Variants in GFI1B observed in about 807,000 individuals in gnomAD.
GFI1B encodes zinc finger protein Gfi-1b.
In GFI1B, 20 loss-of-function variants were observed where a neutral mutation model predicts 35.3. The ratio of observed to expected loss-of-function variants is 0.57; its 90% CI spans 0.40 to 0.82. The LOEUF (loss-of-function observed/expected upper bound fraction) is 0.82. Among genes scored for constraint, GFI1B ranks in the 40% least tolerant of loss-of-function variants. GFI1B has a pLI of 0.00. For missense variants in GFI1B, 430 were observed against 446.3 expected, an observed-to-expected ratio of 0.96 and a Z score of 0.33; for synonymous variants, 178 against 177.6, an observed-to-expected ratio of 1.00 and a Z score of -0.02.
rs191131890 is a variant in GFI1B at position 132,968,360 on chromosome 9, A to T, written c.-700-4365A>T. Among the ~76,000 whole-genome samples the T allele has an allele frequency of 6.7e-5, 10 of 149,650 alleles. 1 individual carries two copies. Among genetic ancestry groups the T allele is most frequent in the Admixed American group, 6.0e-4 (9 of 15,050 alleles). On this transcript the variant is annotated intron_variant, in intron 1 of 10. Transcript: ENST00000339463. Reference sequence around the variant, plus strand: ...TGGTCTCGAACTCCTGGGCTCGAGCAATCCTCCCACTTCAGCCTCCCAGAG... The same window carrying T: ...TGGTCTCGAACTCCTGGGCTCGAGCTATCCTCCCACTTCAGCCTCCCAGAG...
chr9:132,946,056 A>G (rs1588398903), intron 1 of GFI1B, among the ~76,000 whole-genome samples: 1 of 151,768 alleles, frequency 6.6e-6, no homozygotes, highest in Non-Finnish European at 1.5e-5. Context: ...GAAAAATGGC[A>G]CCCCTGGGCT....
At chr9:132,974,452 A>C (rs1310651894), upstream of GFI1B, among the ~76,000 whole-genome samples, 1 of 151,874 alleles carries the variant, frequency 6.6e-6, no homozygotes, top group Non-Finnish European at 1.5e-5. Context: ...ACACAAAAAA[A>C]TTAGCCAGGC....
At chr9:132,974,747 G>A (rs573992019), upstream of GFI1B, among the ~76,000 whole-genome samples, 2 of 152,232 alleles carry the variant, frequency 1.3e-5, no homozygotes, top group African/African-American at 4.8e-5. Flanking sequence ...AGGTCTTTCT[G>A]CAGAAGTAAC....
chr9:132,956,297 G>A (rs1848282683), intron 1 of GFI1B, among the ~76,000 whole-genome samples: 1 of 150,128 alleles, frequency 6.7e-6, no homozygotes, highest in Non-Finnish European at 1.5e-5. Flanking sequence ...ACCTCCTTTT[G>A]TTATTATTTT....
intron 1 of GFI1B, among the ~76,000 whole-genome samples, chr9:132,982,059 G>T (rs1388565475): frequency 6.6e-6 from 1 of 152,142 alleles, no homozygotes; most frequent in East Asian, 1.9e-4. Context: ...GGCCTCCCTT[G>T]AGTCTTTAAA....
Position 132,987,387 on chromosome 9 carries a change from A to G in GFI1B, c.206A>G (p.Asp69Gly). Residue 69 changes from aspartate to glycine, a missense_variant, in exon 3 of 7, where the codon GAC (aspartate) becomes GGC (glycine). Coordinates refer to ENST00000372122, the MANE Select transcript of GFI1B (RefSeq NM_001377304.1). ...AAACGAGAGCCGGAGCTGGAGCAGG[A>G]CCAGAACTTGGCCAGGATGGCCCCG... ...NLKREPELEQ[D>G]QNLARMAPAP... 10 of 1,614,244 alleles carry G rather than the reference A, an allele frequency of 6.2e-6. No individual in the cohort carries two copies. Among genetic ancestry groups the G allele is most frequent in the African/African-American group, 1.3e-5 (1 of 75,072 alleles).
chr9:132,968,885 A>C (rs1049504893), intron 1 of GFI1B, among the ~76,000 whole-genome samples: 4 of 152,174 alleles, frequency 2.6e-5, no homozygotes, highest in African/African-American at 7.2e-5. Flanking sequence ...CGTTCATATC[A>C]GTCCACAACC....
intron 1 of GFI1B, among the ~76,000 whole-genome samples, chr9:132,954,135 G>A (rs981499576): frequency 9.2e-5 from 14 of 152,136 alleles, no homozygotes; most frequent in Non-Finnish European, 1.6e-4. Context: ...TGTCACCAAG[G>A]CTAGAATGCA....
chr9:132,973,772 G>T (rs1249646974), upstream of GFI1B, among the ~76,000 whole-genome samples: 1 of 152,180 alleles, frequency 6.6e-6, no homozygotes, highest in Non-Finnish European at 1.5e-5. Flanking sequence ...AGAAGCCATG[G>T]CTCCAAACGC....
Position 132,989,026 on chromosome 9 carries a change from C to T in GFI1B, c.511-35C>T. On this transcript the variant is annotated intron_variant, in intron 4 of 6. Transcript: ENST00000372122. The surrounding 1 kb of genome is among the most constrained non-coding windows in gnomAD (Gnocchi z 6.2). ...CCCAGGCCTGTCCCTGTCACCGCAGCCCCCAGTGGCCTCACATGCTGCCCC... is the reference window on the plus strand; with the variant it reads ...CCCAGGCCTGTCCCTGTCACCGCAGTCCCCAGTGGCCTCACATGCTGCCCC... The T allele has an allele frequency of 1.2e-6, 2 of 1,609,196 alleles. No individual in the cohort carries two copies. The highest frequency in any genetic ancestry group is 8.5e-7 in the Non-Finnish European group (1 of 1,175,690).
rs895350935 is a variant in GFI1B at position 132,991,161 on chromosome 9, T to A, written c.*111T>A. ...TCCTGGAGGTGGGACTGGACAGGAG[T>A]CTACCAGCTTGTTTTGAGACTCATG... On this transcript the variant is annotated 3_prime_UTR_variant, in exon 7 of 7. Transcript: ENST00000372122. 10 of 962,740 alleles carry A rather than the reference T, an allele frequency of 1.0e-5. No homozygotes were observed. The highest frequency in any genetic ancestry group is 1.6e-5 in the Non-Finnish European group (10 of 622,570). 59.6% of individuals were successfully genotyped at this position (962,740 alleles called of 1,614,324 possible).
At chr9:132,959,465 G>A (rs1173520940) in intron 1 of GFI1B, among the ~76,000 whole-genome samples, 1 of 152,230 alleles carries the variant, frequency 6.6e-6, no homozygotes, top group Non-Finnish European at 1.5e-5. Flanking sequence ...AGCAACGTGA[G>A]AACAGGTTAA....
In GFI1B at chr9:132,989,662, G is replaced by T. The variant is rs184868918; in HGVS notation, c.649-80G>T. The T allele has an allele frequency of 8.4e-6, 10 of 1,186,224 alleles. No homozygotes were observed. The African/African-American group carries it at 1.5e-4, about 18-fold the overall frequency. 73.5% of individuals were successfully genotyped at this position (1,186,224 alleles called of 1,614,324 possible). A position where few individuals can be genotyped will look rare whatever the true frequency, so the allele number is the denominator to read the frequency against. On this transcript the variant is annotated intron_variant, in intron 5 of 6. Coordinates refer to ENST00000372122, the MANE Select transcript of GFI1B (RefSeq NM_001377304.1). This position sits in a 1 kb window ranked among gnomAD's most constrained non-coding sequence, Gnocchi z 6.2. The stretch of plus-strand genomic sequence containing the variant: ...CTCCTCCAGGCCGCCCCAATGGAGT[G>T]TCCTGTTCCGCAGGGGATCCCGGCC...
intron 1 of GFI1B, among the ~76,000 whole-genome samples, chr9:132,955,160 T>C (rs962409110): frequency 2.0e-5 from 3 of 152,360 alleles, no homozygotes; most frequent in South Asian, 4.1e-4. Flanking sequence ...GAACTTCCTT[T>C]AACATTTTTT....
chr9:132,963,687 T>G (rs1464013960), intron 1 of GFI1B: 1 of 151,984 alleles, frequency 6.6e-6, no homozygotes, highest in Non-Finnish European at 1.5e-5. Flanking sequence ...TCTGCAAAAG[T>G]TGAATATTGG....
chr9:132,980,059 G>A (rs187382736), intron 1 of GFI1B, among the ~76,000 whole-genome samples: 87 of 152,320 alleles, frequency 5.7e-4, no homozygotes, highest in African/African-American at 2.0e-3. Context: ...GAATTCTTTG[G>A]ACAAGAAAAT....
intron 1 of GFI1B, chr9:132,962,478 T>C (rs1403985892): frequency 2.8e-5 from 13 of 468,086 alleles, no homozygotes; most frequent in Non-Finnish European, 5.2e-5. Flanking sequence ...CCTTCTCTGC[T>C]ATCGTGGTGT....
upstream of GFI1B, chr9:132,978,412 A>G (rs967566698): frequency 3.3e-5 from 5 of 152,224 alleles, no homozygotes; most frequent in African/African-American, 1.2e-4. Context: ...AGCTTTTTCT[A>G]ACTTTAATTT....
At chr9:132,954,078 T>C (rs979213283) in intron 1 of GFI1B, among the ~76,000 whole-genome samples, 23 of 152,176 alleles carry the variant, frequency 1.5e-4, no homozygotes, top group African/African-American at 5.3e-4. Context: ...AAAAATATTG[T>C]TATTATTTTT....
Sources: allele counts gnomAD v4.1 joint callset (sites outside exome capture counted in the v4.1 genomes callset), GRCh38; gene constraint gnomAD v4.1.1; non-coding constraint Gnocchi (gnomAD v3.1); transcripts MANE v1.5; gene names NCBI Gene and HGNC (gene_info 2026-07-23, HGNC 2026-07-21).